Variants in DNAJC13 observed in about 807,000 individuals in gnomAD.
The protein encoded by DNAJC13 is DnaJ heat shock protein family (Hsp40) member C13.
A neutral mutation model predicts 290.5 loss-of-function variants in DNAJC13; 75 were observed. That is an observed-to-expected ratio of 0.26 (90% CI 0.21 to 0.31). DNAJC13 has a LOEUF of 0.31. Ranked by LOEUF, DNAJC13 falls within the 10% of genes least tolerant of loss-of-function variation. DNAJC13 has a pLI of 1.00. For synonymous variants in DNAJC13, 862 were observed against 892.0 expected (o/e 0.97, Z 0.60); for missense variants, 2,260 against 2,674.5 (o/e 0.85, Z 3.42).
chr3:132,502,340 G>C lies in DNAJC13; in HGVS notation c.4588G>C (p.Val1530Leu). 6.2e-7 allele frequency: 1 copy of C among 1,613,102 alleles called. No individual in the cohort carries two copies. Among genetic ancestry groups the C allele is most frequent in the Non-Finnish European group, 8.5e-7 (1 of 1,179,840 alleles). The change falls in exon 40 of 56, where the codon GTG becomes CTG. Residue 1530 changes from valine to leucine, a missense_variant. Transcript: ENST00000260818. ...LGVECVSSFA[V>L]DFWLQTHLFQ... ...GGTAGAATGTGTCAGTTCTTTTGCT[G>C]TGGATTTCTGGCTACAGACACACCT...
intron 1 of DNAJC13, among the ~76,000 whole-genome samples, chr3:132,421,372 T>G (rs921563622): frequency 6.6e-6 from 1 of 152,220 alleles, no homozygotes; most frequent in African/African-American, 2.4e-5. Context: ...TATATGCATT[T>G]CAATATGTAA....
At chr3:132,470,641 A>G (rs1934183553) in intron 20 of DNAJC13, among the ~76,000 whole-genome samples, 2 of 129,984 alleles carry the variant, frequency 1.5e-5, no homozygotes, top group African/African-American at 3.0e-5. Flanking sequence ...TCCCTCCCGG[A>G]CGGGGCGGCT....
At chr3:132,504,853 A>G (rs1381119057) in intron 41 of DNAJC13, among the ~76,000 whole-genome samples, 1 of 152,186 alleles carries the variant, frequency 6.6e-6, no homozygotes, top group Non-Finnish European at 1.5e-5. Context: ...CTTTCTCCCC[A>G]TAAATTTTAT....
chr3:132,536,642 G>A (rs1936601031), intron 55 of DNAJC13, among the ~76,000 whole-genome samples: 1 of 152,180 alleles, frequency 6.6e-6, no homozygotes, highest in African/African-American at 2.4e-5. Context: ...ACACCTACTG[G>A]ATGGTTTTGC....
At chr3:132,519,573 C>A (rs1018134069) in intron 48 of DNAJC13, among the ~76,000 whole-genome samples, 1 of 150,198 alleles carries the variant, frequency 6.7e-6, no homozygotes, top group Non-Finnish European at 1.5e-5. Flanking sequence ...CTTGGTGGTG[C>A]CCTTTGAAAC....
chr3:132,526,965 TG>T (rs1469573711), intron 53 of DNAJC13, among the ~76,000 whole-genome samples: 1 of 152,130 alleles, frequency 6.6e-6, no homozygotes, highest in East Asian at 1.9e-4. Flanking sequence ...TTGGGGAGAA[TG>T]GGAAAATGCT....
Position 132,454,098 on chromosome 3 carries a change from A to G in DNAJC13, c.873A>G (p.Pro291=), listed in dbSNP as rs372419664. 6.2e-6 allele frequency: 10 copies of G among 1,608,688 alleles called. No individual in the cohort carries two copies. The African/African-American group carries it at 9.4e-5, about 15-fold the overall frequency. Residue 291 remains proline (P), a synonymous_variant, in exon 9 of 56, where the codon CCA becomes CCG. Transcript: ENST00000260818. The part of the protein sequence containing the change: ...VFALVCDSEN[P]QLFTIEFIKG... ...CGTTGGTCTGTGACTCAGAAAATCC[A>G]CAACTTTTTACCATTGAATTTATAA...
At chr3:132,435,515 T>A (rs1939363572) in intron 2 of DNAJC13, among the ~76,000 whole-genome samples, 1 of 152,242 alleles carries the variant, frequency 6.6e-6, no homozygotes, top group Admixed American at 6.5e-5. Flanking sequence ...TGGTTTGCAT[T>A]AGCAAACTGC....
At chr3:132,425,620 G>A (rs556579670) in intron 1 of DNAJC13, among the ~76,000 whole-genome samples, 2 of 152,212 alleles carry the variant, frequency 1.3e-5, no homozygotes, top group South Asian at 4.1e-4. Flanking sequence ...GACTCAAAAT[G>A]GGAAAATCAG....
At chr3:132,418,080 G>C (rs1938847165) in intron 1 of DNAJC13, among the ~76,000 whole-genome samples, 1 of 151,986 alleles carries the variant, frequency 6.6e-6, no homozygotes, top group Admixed American at 6.6e-5. Flanking sequence ...TTCCCTTGTG[G>C]GTTCCGCCCT....
intron 29 of DNAJC13, among the ~76,000 whole-genome samples, chr3:132,488,049 G>GCTT (rs1934938725): frequency 6.6e-6 from 1 of 152,144 alleles, no homozygotes. Flanking sequence ...GACAAAACTA[G>GCTT]CTTCAGGCAT....
At chr3:132,479,454 A>G (rs974610489) in intron 25 of DNAJC13, among the ~76,000 whole-genome samples, 165 bp downstream of exon 25, 1 of 152,172 alleles carries the variant, frequency 6.6e-6, no homozygotes, top group East Asian at 1.9e-4. Flanking sequence ...GGTTTTTGTC[A>G]GTATTCCCTG....
At chr3:132,433,236 T>G (rs1402186831) in intron 1 of DNAJC13, among the ~76,000 whole-genome samples, 1 of 152,202 alleles carries the variant, frequency 6.6e-6, no homozygotes, top group Non-Finnish European at 1.5e-5. Context: ...AATGAGGAAA[T>G]TGTTCTATTT....
intron 51 of DNAJC13, among the ~76,000 whole-genome samples, chr3:132,524,895 G>A (rs959975965): frequency 6.6e-6 from 1 of 152,150 alleles, no homozygotes; most frequent in South Asian, 2.1e-4. Context: ...TGCTTTGTGG[G>A]AGCCAGACAT....
At chr3:132,427,529 G>C (rs1426163715) in intron 1 of DNAJC13, among the ~76,000 whole-genome samples, 5 of 152,108 alleles carry the variant, frequency 3.3e-5, no homozygotes, top group Admixed American at 3.3e-4. Context: ...GCATCCTCAT[G>C]TACATCATTC....
rs1358673552 is a variant in DNAJC13 at position 132,467,230 on chromosome 3, A to T, written c.2125A>T (p.Lys709Ter). Residue 709 changes from lysine to a stop codon, truncating the protein, a stop_gained, in exon 20 of 56, where the codon AAA becomes TAA. Transcript: ENST00000260818. LOFTEE classifies it high-confidence loss of function. ...GCAAAGACTAGCTGGAAAAGCTGCTAAAGAAGTTGAAAAATTTGCCAAAGA... is the reference window on the plus strand; with the variant it reads ...GCAAAGACTAGCTGGAAAAGCTGCTTAAGAAGTTGAAAAATTTGCCAAAGA... ...EWQRLAGKAA[K>*]EVEKFAKEKV... The T allele has an allele frequency of 6.2e-7, 1 of 1,613,872 alleles. No individual in the cohort carries two copies. Among genetic ancestry groups the T allele is most frequent in the African/African-American group, 1.3e-5 (1 of 74,930 alleles).
rs1935920310 is a variant in DNAJC13, at chr3:132,516,402, A to G, written c.5486-20A>G. 2 of 1,612,654 alleles carry G rather than the reference A, an allele frequency of 1.2e-6. No homozygotes were observed. The highest frequency in any genetic ancestry group is 2.2e-5 in the South Asian group (2 of 91,010). ...AGCTAACCTGATGATGCATTCCTTG[A>G]AATGTCTTTTACTCTGCAGGTCGTC... On this transcript the variant is annotated intron_variant, in intron 46 of 55. Transcript: ENST00000260818.
intron 36 of DNAJC13, among the ~76,000 whole-genome samples, chr3:132,497,116 A>T (rs1311962314): frequency 6.6e-6 from 1 of 152,242 alleles, no homozygotes; most frequent in Non-Finnish European, 1.5e-5. Context: ...AAATGATGAT[A>T]TACTTCTCAT....
intron 6 of DNAJC13, 102 bp from the exon 7 acceptor site, chr3:132,453,196 T>TTCC: frequency 9.7e-7 from 1 of 1,033,670 alleles, no homozygotes; most frequent in Non-Finnish European, 1.4e-6. Flanking sequence ...ACCTCTTTTT[T>TTCC]CTCTAGAATT....
Sources: allele counts gnomAD v4.1 joint callset (sites outside exome capture counted in the v4.1 genomes callset), GRCh38; gene constraint gnomAD v4.1.1; transcripts MANE v1.5; gene names NCBI Gene and HGNC (gene_info 2026-07-23, HGNC 2026-07-21).